The following PHEX variants were observed in gnomAD, a reference collection of about 807,000 sequenced individuals.
PHEX encodes phosphate regulating endopeptidase X-linked, also known as phosphate-regulating neutral endopeptidase PHEX.
PHEX carries 16 observed loss-of-function variants against 68.0 expected under a neutral mutation model. The ratio of observed to expected loss-of-function variants is 0.24; its 90% CI spans 0.16 to 0.36. The LOEUF is 0.36. PHEX is among the 10% of genes least tolerant of loss of function. PHEX has a pLI of 1.00. For missense variants in PHEX, 480 were observed against 575.5 expected, an observed-to-expected ratio of 0.83 and a Z score of 1.70; for synonymous variants, 208 against 205.1, an observed-to-expected ratio of 1.01 and a Z score of -0.12.
chrX:22,081,183 T>G (rs1929379265), intron 5 of PHEX, among the ~76,000 whole-genome samples: 1 of 110,835 alleles, frequency 9.0e-6, no homozygotes, highest in Non-Finnish European at 1.9e-5. Flanking sequence ...CCCCTCTTGG[T>G]GGCCCCATTT....
At chrX:22,245,672 C>T (rs1413073263) in intron 21 of PHEX, among the ~76,000 whole-genome samples, 1 of 112,065 alleles carries the variant, frequency 8.9e-6, no homozygotes, top group Non-Finnish European at 1.9e-5. Context: ...TCTAGTGCTA[C>T]ATCAAGTGCC....
rs143434847 is a variant in PHEX, at chrX:22,215,651, C to G, written c.1700+2693C>G. Reference sequence around the variant, plus strand: ...ACCATAAAAATTTCCTAGAAGCTCTCCAAGAAAGAAACCTATTTAGATGTG... The same window carrying G: ...ACCATAAAAATTTCCTAGAAGCTCTGCAAGAAAGAAACCTATTTAGATGTG... On this transcript the variant is annotated intron_variant, in intron 16 of 21. Coordinates refer to ENST00000379374, the MANE Select transcript of PHEX (RefSeq NM_000444.6). 5.1e-3 allele frequency among the ~76,000 whole-genome samples: 569 copies of G among 111,089 alleles called. 4 individuals are homozygous for G. The highest frequency in any genetic ancestry group is 0.017 in the African/African-American group (519 of 30,573).
rs145023154 is a variant in PHEX at position 22,058,436 on chromosome X, T to C, written c.349+11225T>C. ...TGTTCTGCAGCCAAATAAAAATAAC[T>C]TAGAAGAAGACCTTGACATCACTAT... is the stretch of plus-strand genomic sequence containing the variant. On this transcript the variant is annotated intron_variant, in intron 3 of 21. Coordinates refer to ENST00000379374, the MANE Select transcript of PHEX (RefSeq NM_000444.6). Among the ~76,000 whole-genome samples, 306 of 112,551 alleles carry C rather than the reference T, an allele frequency of 2.7e-3. 1 individual carries two copies. The highest frequency in any genetic ancestry group is 9.2e-3 in the African/African-American group (287 of 31,072).
chrX:22,240,749 G>T (rs1936160043), intron 20 of PHEX, among the ~76,000 whole-genome samples: 1 of 111,774 alleles, frequency 8.9e-6, no homozygotes, highest in African/African-American at 3.3e-5. Context: ...GGAGTACCCA[G>T]ATTCATAAAG....
chrX:22,089,782 T>G (rs1292929436), intron 5 of PHEX, among the ~76,000 whole-genome samples: 2 of 112,443 alleles, frequency 1.8e-5, no homozygotes, highest in Non-Finnish European at 3.8e-5. Flanking sequence ...GTAATTCTAC[T>G]TATTTAGTTG....
In PHEX at chrX:22,100,978, C is replaced by T. The variant is rs956560173; in HGVS notation, c.1079+1827C>T. ...CTTGAGGCCAGGAGTTCAAGACCAA[C>T]CTGGCCAACATGGTGAAACCCCGTC... On this transcript the variant is annotated intron_variant, in intron 9 of 21. Coordinates refer to ENST00000379374, the MANE Select transcript of PHEX (RefSeq NM_000444.6). 2.4e-4 allele frequency among the ~76,000 whole-genome samples: 26 copies of T among 110,605 alleles called. 1 individual carries two copies. Among genetic ancestry groups the T allele is most frequent in the African/African-American group, 8.2e-4 (25 of 30,352 alleles).
intron 11 of PHEX, among the ~76,000 whole-genome samples, chrX:22,132,788 A>C (rs990289929): frequency 8.9e-6 from 1 of 112,138 alleles, no homozygotes; most frequent in African/African-American, 3.2e-5. Flanking sequence ...TTGGTTTGTC[A>C]TAATCTATGG....
chrX:22,134,272 A>C (rs1932139205), intron 12 of PHEX, among the ~76,000 whole-genome samples: 1 of 112,408 alleles, frequency 8.9e-6, no homozygotes, highest in Non-Finnish European at 1.9e-5. Flanking sequence ...CAAAGGAGAA[A>C]AGTATTGACA....
chrX:22,164,906 G>A lies in PHEX; in HGVS notation c.1405-3406G>A, dbSNP rs1933261478. Among the ~76,000 whole-genome samples, 3 of 111,997 alleles carry A rather than the reference G, an allele frequency of 2.7e-5. No homozygotes were observed. The Admixed American group carries it at 2.9e-4, about 11-fold the overall frequency. On this transcript the variant is annotated intron_variant, in intron 12 of 21. Coordinates refer to ENST00000379374, the MANE Select transcript of PHEX (RefSeq NM_000444.6). ...ATCTGGGTCACATCAAGCTTTTAGT[G>A]TGTGTAACTCACAGAGTTTTGAAGG...
chrX:22,108,185 G>T (rs1462057217), intron 9 of PHEX, among the ~76,000 whole-genome samples: 1 of 111,969 alleles, frequency 8.9e-6, no homozygotes, highest in African/African-American at 3.2e-5. Context: ...ACAGAGATGG[G>T]CAAGGGCTGG....
intron 18 of PHEX, among the ~76,000 whole-genome samples, chrX:22,224,993 G>GATT: frequency 1.5e-4 from 15 of 99,021 alleles, no homozygotes; most frequent in East Asian, 6.5e-4. Context: ...AGCTCTGTAT[G>GATT]TCAGAAGTCT....
intron 3 of PHEX, among the ~76,000 whole-genome samples, chrX:22,071,671 T>C (rs1163970206): frequency 1.8e-5 from 2 of 112,890 alleles, no homozygotes; most frequent in African/African-American, 6.4e-5. Context: ...ATCTTTATTA[T>C]TAAAATTCTC....
At chrX:22,063,172 G>A (rs1437329149) in intron 3 of PHEX, among the ~76,000 whole-genome samples, 1 of 112,021 alleles carries the variant, frequency 8.9e-6, no homozygotes, top group Non-Finnish European at 1.9e-5. Context: ...TTTCTGAGAT[G>A]AGAACCATTC....
chrX:22,042,857 A>G (rs775198438), intron 2 of PHEX, among the ~76,000 whole-genome samples: 1 of 112,317 alleles, frequency 8.9e-6, no homozygotes, highest in East Asian at 2.8e-4. Context: ...TGGTAGTAGC[A>G]GTAATTTAGG....
chrX:22,042,809 C>T (rs1927347444), intron 2 of PHEX, among the ~76,000 whole-genome samples: 1 of 107,172 alleles, frequency 9.3e-6, no homozygotes, highest in African/African-American at 3.6e-5. Context: ...AGTGAGACTC[C>T]GCCTCAAAAA....
chrX:22,176,413 A>G (rs1455797208), intron 13 of PHEX, among the ~76,000 whole-genome samples: 2 of 98,115 alleles, frequency 2.0e-5, no homozygotes, highest in South Asian at 4.4e-4. Context: ...ATATATATAT[A>G]TATATATATA....
Position 22,230,228 on chromosome X carries a change from TC to T in PHEX, c.2070+2618del, listed in dbSNP as rs1278332147. 3.2e-4 allele frequency among the ~76,000 whole-genome samples: 16 copies of T among 50,158 alleles called. No individual in the cohort carries two copies. In the East Asian group the frequency reaches 4.9e-3, roughly 15 times the overall value. 43.6% of individuals were successfully genotyped at this position (50,158 alleles called of 115,157 possible). ...TTAGGATTGTTTTGGCTATATGGGC[TC>T]TTTTTTTTTTTTTTTTTTTTTTTTT... On this transcript the variant is annotated intron_variant, in intron 20 of 21. Transcript: ENST00000379374.
intron 9 of PHEX, among the ~76,000 whole-genome samples, chrX:22,100,765 C>G: frequency 8.9e-6 from 1 of 111,918 alleles, no homozygotes; most frequent in Non-Finnish European, 1.9e-5. Flanking sequence ...TACTCTGATT[C>G]TTGTCAAAAT....
At chrX:22,089,440 A>T in intron 5 of PHEX, among the ~76,000 whole-genome samples, 2 of 99,056 alleles carry the variant, frequency 2.0e-5, no homozygotes, top group African/African-American at 3.8e-5. Context: ...TTTTTTCCTG[A>T]GACAGAGTTT....
Sources: gnomAD v4.1 joint callset for allele counts (sites outside exome capture counted in the v4.1 genomes callset) on GRCh38, gnomAD v4.1.1 for gene constraint, MANE v1.5 for transcripts, NCBI Gene and HGNC (gene_info 2026-07-23, HGNC 2026-07-21) for gene names.